ATP2B1: variants seen among roughly 807,000 people sequenced by gnomAD.
The protein encoded by ATP2B1 is plasma membrane calcium-transporting ATPase 1.
Under a neutral mutation model 124.2 loss-of-function variants are expected in ATP2B1, and 14 were observed. That is an observed-to-expected ratio of 0.11 (90% CI 0.07 to 0.18). The LOEUF (loss-of-function observed/expected upper bound fraction) is 0.18, where lower values mean the gene tolerates loss of function less well. Among genes scored for constraint, ATP2B1 ranks in the 10% least tolerant of loss-of-function variants. The probability of loss-of-function intolerance (pLI) is 1.00; values close to 1 mark genes in which losing one functional copy is unlikely to be tolerated. For missense variants in ATP2B1, 763 were observed against 1,466.1 expected (o/e 0.52, Z 7.83); for synonymous variants, 449 against 492.4 (o/e 0.91, Z 1.17).
At chr12:89,654,455 C>T (rs1018640898) in intron 2 of ATP2B1, among the ~76,000 whole-genome samples, 1 of 152,138 alleles carries the variant, frequency 6.6e-6, no homozygotes, top group African/African-American at 2.4e-5. Context: ...TGAAAAGATA[C>T]AGAAAACCTT....
At chr12:89,685,389 A>G (rs977399475) in intron 1 of ATP2B1, among the ~76,000 whole-genome samples, 2 of 152,102 alleles carry the variant, frequency 1.3e-5, no homozygotes, top group African/African-American at 4.8e-5. Flanking sequence ...CCCTCTGGTC[A>G]CTATCCTCCC....
chr12:89,637,733 T>G (rs1002980824), intron 3 of ATP2B1, among the ~76,000 whole-genome samples: 1 of 152,142 alleles, frequency 6.6e-6, no homozygotes, highest in Non-Finnish European at 1.5e-5. Context: ...TTTTTCTATA[T>G]GCTGAAAATA....
In ATP2B1 at chr12:89,651,980, G is replaced by A. The variant is rs548066430; in HGVS notation, c.208+3699C>T. Among the ~76,000 whole-genome samples the A allele has an allele frequency of 4.6e-5, 7 of 152,218 alleles. No homozygotes were observed. The East Asian group carries it at 1.4e-3, about 29-fold the overall frequency. On this transcript the variant is annotated intron_variant, in intron 2 of 20. Coordinates refer to ENST00000428670, the MANE Select transcript of ATP2B1 (RefSeq NM_001366521.1). ...ATAAGGATAGCCTATCATTTTTGTG[G>A]TTTTGCTTAAGAAATGTCTTGGGTT...
intron 15 of ATP2B1, among the ~76,000 whole-genome samples, chr12:89,605,220 C>T (rs1037311653): frequency 3.9e-5 from 6 of 152,128 alleles, no homozygotes; most frequent in Non-Finnish European, 7.3e-5. Context: ...GAGTAGGATT[C>T]ACTAAAAAAT....
chr12:89,677,008 A>C (rs1888688960), intron 1 of ATP2B1, among the ~76,000 whole-genome samples: 1 of 148,576 alleles, frequency 6.7e-6, no homozygotes, highest in African/African-American at 2.5e-5. Context: ...CTCTCTCAAA[A>C]ATAAACACCA....
chr12:89,590,479 A>G lies in ATP2B1; in HGVS notation c.*505T>C, dbSNP rs1246550797. 6.6e-6 allele frequency: 1 copy of G among 152,052 alleles called. No homozygotes were observed. Among genetic ancestry groups the G allele is most frequent in the African/African-American group, 2.4e-5 (1 of 41,226 alleles). The allele number at this position is 152,052 out of a possible 1,614,324, so 9.4% of individuals were successfully genotyped here. A position where few individuals can be genotyped will look rare whatever the true frequency, so the allele number is the denominator to read the frequency against. ...GGACTAATTTTTCTCTGCATCAGTT[A>G]TAAGGAAGCTTCCCATCTATGAACA... is the stretch of plus-strand genomic sequence containing the variant. On this transcript the variant is annotated 3_prime_UTR_variant, in exon 21 of 21. Transcript: ENST00000428670.
At chr12:89,667,216 A>C (rs1267381268) in intron 1 of ATP2B1, among the ~76,000 whole-genome samples, 23 of 152,178 alleles carry the variant, frequency 1.5e-4, no homozygotes, top group Admixed American at 1.5e-3. Context: ...TGCTTCTATT[A>C]GCCATCATCT....
chr12:89,665,239 T>C (rs1284610337), intron 1 of ATP2B1, among the ~76,000 whole-genome samples: 2 of 152,216 alleles, frequency 1.3e-5, no homozygotes, highest in Admixed American at 6.5e-5. Flanking sequence ...AGTATACTAA[T>C]ATTTTTCCAT....
At chr12:89,644,423 T>A (rs1884121613) in intron 2 of ATP2B1, among the ~76,000 whole-genome samples, 1 of 152,072 alleles carries the variant, frequency 6.6e-6, no homozygotes, top group Non-Finnish European at 1.5e-5. Flanking sequence ...AGTAATTATT[T>A]ACTTCATTGA....
intron 1 of ATP2B1, among the ~76,000 whole-genome samples, chr12:89,677,967 TATATACACACACACACACACACAC>T (rs1236580940): frequency 9.2e-5 from 5 of 54,540 alleles, no homozygotes; most frequent in Non-Finnish European, 2.2e-4. Context: ...TATATATATA[TATATACACACACACACACACACAC>T]ACACACACAC....
intron 15 of ATP2B1, among the ~76,000 whole-genome samples, chr12:89,607,822 C>T (rs1877216917): frequency 6.6e-6 from 1 of 152,106 alleles, no homozygotes; most frequent in South Asian, 2.1e-4. Flanking sequence ...ATGCAACCAT[C>T]CATATTTTTT....
chr12:89,609,501 AG>A (rs1877586182), intron 15 of ATP2B1, among the ~76,000 whole-genome samples: 1 of 152,240 alleles, frequency 6.6e-6, no homozygotes, highest in South Asian at 2.1e-4. Context: ...CAATAAAAAA[AG>A]ATTATATATA....
rs1016601143 is a variant in ATP2B1 at position 89,588,545 on chromosome 12, T to A, written c.*2439A>T. On this transcript the variant is annotated 3_prime_UTR_variant, in exon 21 of 21. Transcript: ENST00000428670. ...ACTATATAATGGGATCCAAGATCTT[T>A]AACAGCTTGCTTGCATTTTTTTCTA... 6.6e-6 allele frequency: 1 copy of A among 152,600 alleles called. No individual in the cohort carries two copies. Among genetic ancestry groups the A allele is most frequent in the Non-Finnish European group, 1.5e-5 (1 of 68,006 alleles). 9.5% of individuals were successfully genotyped at this position (152,600 alleles called of 1,614,324 possible).
intron 19 of ATP2B1, 99 bp from the exon 20 acceptor site, chr12:89,599,398 G>A (rs1277267236): frequency 7.8e-6 from 10 of 1,285,202 alleles, no homozygotes; most frequent in East Asian, 2.4e-5. Context: ...GAGAGTATCC[G>A]ACTATCTTTA....
chr12:89,670,776 T>G (rs1887865105), intron 1 of ATP2B1, among the ~76,000 whole-genome samples: 1 of 152,130 alleles, frequency 6.6e-6, no homozygotes, highest in Non-Finnish European at 1.5e-5. Flanking sequence ...AAACGTAAAC[T>G]ATCAGTTAAG....
chr12:89,609,133 A>C (rs949231896), intron 15 of ATP2B1, among the ~76,000 whole-genome samples: 13 of 152,232 alleles, frequency 8.5e-5, no homozygotes, highest in African/African-American at 3.1e-4. Flanking sequence ...CCTTAGGGCC[A>C]GACTGTGATT....
rs185954944 is a variant in ATP2B1, at chr12:89,689,139, C to G, written c.-222+19457G>C. Among the ~76,000 whole-genome samples, 192 of 152,174 alleles carry G rather than the reference C, an allele frequency of 1.3e-3. 1 individual carries two copies. The highest frequency in any genetic ancestry group is 4.5e-3 in the African/African-American group (185 of 41,520). ...ATGCTAGCACTCTTTTTACAACTTA[C>G]ATACAGTCTGTATTTCAGCTTCTCT... On this transcript the variant is annotated intron_variant, in intron 1 of 20. Coordinates refer to ENST00000428670, the MANE Select transcript of ATP2B1 (RefSeq NM_001366521.1).
chr12:89,644,712 A>T (rs1884173757), intron 2 of ATP2B1, among the ~76,000 whole-genome samples: 1 of 152,190 alleles, frequency 6.6e-6, no homozygotes, highest in African/African-American at 2.4e-5. Context: ...AAAAAGAAAA[A>T]AAAATGGAGA....
rs200832650 is a variant in ATP2B1, at chr12:89,642,348, A to T, written c.216T>A (p.Ser72Arg). 19 of 1,604,570 alleles carry T rather than the reference A, an allele frequency of 1.2e-5. No homozygotes were observed. The African/African-American group carries it at 2.3e-4, about 19-fold the overall frequency. The change falls in exon 3 of 21, where the codon AGT becomes AGA. Residue 72 changes from serine (S) to arginine (R), a missense_variant. Physicochemically the swap from Ser to Arg is moderately radical, Grantham distance 110. Coordinates refer to ENST00000428670, the MANE Select transcript of ATP2B1 (RefSeq NM_001366521.1). ...KLKTSPNEGL[S>R]GNPADLERRE... ...TTCTTTCTAAATCTGCAGGGTTTCC[A>T]CTTAAACCTAATAAAAAGAAACAAA... is the stretch of plus-strand genomic sequence containing the variant.
Sources: allele counts gnomAD v4.1 joint callset (sites outside exome capture counted in the v4.1 genomes callset), GRCh38; gene constraint gnomAD v4.1.1; transcripts MANE v1.5; gene names NCBI Gene and HGNC (gene_info 2026-07-23, HGNC 2026-07-21).